NTN1: variants seen among roughly 807,000 people sequenced by gnomAD.
NTN1 encodes the protein netrin-1.
In NTN1, 11 loss-of-function variants were observed where a neutral mutation model predicts 54.2. That is an observed-to-expected ratio of 0.20 (90% CI 0.13 to 0.34). The LOEUF (loss-of-function observed/expected upper bound fraction) is 0.34. NTN1 is among the 10% of genes least tolerant of loss of function. NTN1 has a pLI of 1.00. For synonymous variants in NTN1, 371 were observed against 382.0 expected (o/e 0.97, Z 0.33); for missense variants, 740 against 893.1 (o/e 0.83, Z 2.18).
In NTN1 at chr17:9,140,843, T is replaced by G. The variant is rs138122212; in HGVS notation, c.1019-21970T>G. On this transcript the variant is annotated intron_variant, in intron 2 of 6. Transcript: ENST00000173229. The stretch of plus-strand genomic sequence containing the variant: ...GCTGAAAACCCACATTTGTGACCCC[T>G]GTGCCAGTCTAAGATGATGGTGACT... 3.8e-3 allele frequency among the ~76,000 whole-genome samples: 577 copies of G among 152,300 alleles called. 4 individuals are homozygous for G. The highest frequency in any genetic ancestry group is 0.013 in the African/African-American group (557 of 41,558).
chr17:9,189,493 A>G (rs1904392471), intron 5 of NTN1, among the ~76,000 whole-genome samples: 1 of 152,182 alleles, frequency 6.6e-6, no homozygotes, highest in African/African-American at 2.4e-5. Context: ...CTGGGATTAT[A>G]GGCACGTGCC....
chr17:9,005,416 C>G, the NTN1 span, among the ~76,000 whole-genome samples: 1 of 151,934 alleles, frequency 6.6e-6, no homozygotes, highest in Non-Finnish European at 1.5e-5. Flanking sequence ...TCCAACCGCC[C>G]CCACCCCGAC....
chr17:9,237,653 T>C (rs2142377398), intron 6 of NTN1, among the ~76,000 whole-genome samples: 1 of 152,278 alleles, frequency 6.6e-6, no homozygotes, highest in Non-Finnish European at 1.5e-5. Flanking sequence ...GTCCGAGGTG[T>C]CCAGCACGGC....
At chr17:9,224,592 C>A (rs1272708110) in intron 6 of NTN1, among the ~76,000 whole-genome samples, 1 of 152,210 alleles carries the variant, frequency 6.6e-6, no homozygotes, top group East Asian at 1.9e-4. Flanking sequence ...AGTGGCCCAG[C>A]CTCCCGCCCC....
chr17:9,205,445 T>C (rs764116149), intron 5 of NTN1, among the ~76,000 whole-genome samples: 1 of 152,228 alleles, frequency 6.6e-6, no homozygotes, highest in Non-Finnish European at 1.5e-5. Flanking sequence ...CTGGGCAACA[T>C]AGTGAGACCT....
chr17:9,069,655 G>A (rs2092026591), intron 2 of NTN1, among the ~76,000 whole-genome samples: 1 of 152,180 alleles, frequency 6.6e-6, no homozygotes, highest in Non-Finnish European at 1.5e-5. Context: ...TCTGCTTCTT[G>A]TCACCAACTG....
At chr17:9,071,338 G>A (rs758239839) in intron 2 of NTN1, among the ~76,000 whole-genome samples, 2 of 151,902 alleles carry the variant, frequency 1.3e-5, no homozygotes, top group African/African-American at 2.4e-5. Context: ...CTCCTGACAC[G>A]GTCCACAGCT....
Position 9,022,563 on chromosome 17 carries a change from G to A in NTN1, c.190G>A (p.Val64Met). 1 of 1,548,264 alleles carries A rather than the reference G, an allele frequency of 6.5e-7. No homozygotes were observed. Among genetic ancestry groups the A allele is most frequent in the East Asian group, 2.4e-5 (1 of 41,254 alleles). The change falls in exon 2 of 7, where the codon GTG becomes ATG. Residue 64 changes from valine (V) to methionine (M), a missense_variant. Transcript: ENST00000173229. The part of the protein sequence containing the change: ...DFVNAAFGKD[V>M]RVSSTCGRPP... The stretch of plus-strand genomic sequence containing the variant: ...TGTCAATGCGGCCTTCGGCAAGGAC[G>A]TGCGCGTGTCCAGCACCTGCGGCCG...
chr17:9,100,204 A>G (rs2092145421), intron 2 of NTN1, among the ~76,000 whole-genome samples: 1 of 152,110 alleles, frequency 6.6e-6, no homozygotes, highest in Non-Finnish European at 1.5e-5. Flanking sequence ...ATATTTACAT[A>G]TATATGCATA....
At chr17:9,203,098 T>C (rs1567737614) in intron 5 of NTN1, among the ~76,000 whole-genome samples, 1 of 152,180 alleles carries the variant, frequency 6.6e-6, no homozygotes, top group Non-Finnish European at 1.5e-5. Context: ...ATTTTTTTTA[T>C]TTTTACTAGA....
intron 3 of NTN1, chr17:9,177,602 T>G (rs1269191628): frequency 1.3e-5 from 2 of 152,254 alleles, no homozygotes; most frequent in African/African-American, 4.8e-5. Flanking sequence ...GAGGCCCTGA[T>G]GCTCACGCTT....
At chr17:9,012,343 T>C in the NTN1 span, among the ~76,000 whole-genome samples, 1 of 152,176 alleles carries the variant, frequency 6.6e-6, no homozygotes, top group East Asian at 1.9e-4. Context: ...AAAACCCATC[T>C]CTACTAAAAG....
chr17:9,227,460 T>TCA (rs72453627), intron 6 of NTN1, among the ~76,000 whole-genome samples: 1 of 139,054 alleles, frequency 7.2e-6, no homozygotes, highest in Non-Finnish European at 1.5e-5. Flanking sequence ...ACACAGACTG[T>TCA]CACACACAGT....
At chr17:9,041,785 G>C (rs2091922413) in intron 2 of NTN1, among the ~76,000 whole-genome samples, 1 of 152,070 alleles carries the variant, frequency 6.6e-6, no homozygotes, top group African/African-American at 2.4e-5. Flanking sequence ...GAGGCGGGTG[G>C]ATCACTGGAG....
chr17:9,088,885 G>A (rs1171859599), intron 2 of NTN1, among the ~76,000 whole-genome samples: 4 of 152,090 alleles, frequency 2.6e-5, no homozygotes, highest in Non-Finnish European at 5.9e-5. Context: ...CAGCCATCAC[G>A]AAACCCTCGC....
intron 2 of NTN1, among the ~76,000 whole-genome samples, chr17:9,119,334 C>T (rs1270168124): frequency 6.6e-6 from 1 of 151,986 alleles, no homozygotes; most frequent in Non-Finnish European, 1.5e-5. Context: ...ATTACAGGCA[C>T]ACACCACCAC....
At chr17:9,155,388 C>T (rs2092338580) in intron 2 of NTN1, among the ~76,000 whole-genome samples, 1 of 147,128 alleles carries the variant, frequency 6.8e-6, no homozygotes, top group Non-Finnish European at 1.5e-5. Flanking sequence ...GTCGCCCAGG[C>T]TGGAGTGCAA....
intron 5 of NTN1, among the ~76,000 whole-genome samples, chr17:9,204,514 C>T (rs1218292765): frequency 6.6e-6 from 1 of 152,190 alleles, no homozygotes; most frequent in African/African-American, 2.4e-5. Context: ...AGGCTGGTCT[C>T]GAACTCCTGG....
At chr17:9,190,052 A>G (rs1408975386) in intron 5 of NTN1, among the ~76,000 whole-genome samples, 2 of 152,250 alleles carry the variant, frequency 1.3e-5, no homozygotes, top group African/African-American at 4.8e-5. Context: ...AGAGAATTCT[A>G]TAAGGAGCCG....
Sources: allele counts gnomAD v4.1 joint callset (sites outside exome capture counted in the v4.1 genomes callset), GRCh38; gene constraint gnomAD v4.1.1; transcripts MANE v1.5; gene names NCBI Gene and HGNC (gene_info 2026-07-23, HGNC 2026-07-21).